The following DNAH2 variants were observed in gnomAD, a reference collection of about 807,000 sequenced individuals.
DNAH2 encodes axonemal beta dynein heavy chain 2.
A neutral mutation model predicts 523.5 loss-of-function variants in DNAH2; 323 were observed. That is an observed-to-expected ratio of 0.62 (90% CI 0.56 to 0.68). The LOEUF is 0.68. Ranked by LOEUF, DNAH2 falls within the 30% of genes least tolerant of loss-of-function variation. DNAH2 has a pLI of 0.00. For missense variants in DNAH2, 4,907 were observed against 5,701.5 expected, an observed-to-expected ratio of 0.86 and a Z score of 4.49; for synonymous variants, 2,093 against 2,177.4, an observed-to-expected ratio of 0.96 and a Z score of 1.08.
intron 44 of DNAH2, among the ~76,000 whole-genome samples, chr17:7,788,962 C>T (rs1042488960): frequency 1.3e-5 from 2 of 152,068 alleles, no homozygotes; most frequent in African/African-American, 2.4e-5. Context: ...GTCAGGAGTT[C>T]GAGACCAGCC....
intron 3 of DNAH2, 148 bp from the exon 4 acceptor site, chr17:7,726,974 G>T: frequency 1.3e-6 from 1 of 756,672 alleles, no homozygotes; most frequent in Non-Finnish European, 1.9e-6. Context: ...TTCTTCCAAA[G>T]CTGGAAAGCT....
chr17:7,764,465 C>CT (rs36076472), intron 20 of DNAH2, among the ~76,000 whole-genome samples, 192 bp downstream of exon 20: 8,555 of 143,792 alleles, frequency 0.059, 328 homozygotes, highest in Non-Finnish European at 0.084. Flanking sequence ...TCTTCTTCCT[C>CT]TTTTTTTTTT....
chr17:7,801,650 G>C lies in DNAH2; in HGVS notation c.8772G>C (p.Glu2924Asp), dbSNP rs767657260. ...TINWFSEWPQ[E>D]ALLEVAEKCL... is the part of the protein sequence containing the mutation. The stretch of plus-strand genomic sequence containing the variant: ...ACTGGTTCTCAGAGTGGCCCCAAGA[G>C]GCCCTGCTCGAGGTGGCTGAGAAGT... The change falls in exon 57 of 86, where the codon GAG becomes GAC. Residue 2924 changes from glutamate (E) to aspartate (D), a missense_variant. This residue lies in a region of DNAH2 where 1,851 missense variants were observed against 2,139.4 expected (regional missense o/e 0.87). Coordinates refer to ENST00000572933, the MANE Select transcript of DNAH2 (RefSeq NM_020877.5). 5.1e-5 allele frequency: 83 copies of C among 1,614,068 alleles called. No homozygotes were observed. Among genetic ancestry groups the C allele is most frequent in the Non-Finnish European group, 6.9e-5 (81 of 1,180,046 alleles).
chr17:7,831,831 G>A lies in DNAH2; in HGVS notation c.12726+56G>A. On this transcript the variant is annotated intron_variant, in intron 82 of 85. Coordinates refer to ENST00000572933, the MANE Select transcript of DNAH2 (RefSeq NM_020877.5). The surrounding 1 kb of genome is among the most constrained non-coding windows in gnomAD (Gnocchi z 4.2). ...AACAATGAGCTCCCCTCTCAATCCT[G>A]GGCCCCCCAATCTCCTGGTTCTAGG... is the stretch of plus-strand genomic sequence containing the variant. 2.6e-6 allele frequency: 4 copies of A among 1,512,192 alleles called. No homozygotes were observed. Among genetic ancestry groups the A allele is most frequent in the Non-Finnish European group, 3.6e-6 (4 of 1,102,536 alleles). 93.7% of individuals were successfully genotyped at this position (1,512,192 alleles called of 1,614,324 possible).
Position 7,824,186 on chromosome 17 carries a change from C to G in DNAH2, c.11544C>G (p.Thr3848=). ...VFILSPGVDP[T]SALLQLAEHM... ...TCCTGTCCCCTGGTGTGGACCCCAC[C>G]AGTGCCCTGCTGCAGCTGGCAGAGC... Residue 3848 remains threonine (T), a synonymous_variant, in exon 76 of 86, where the codon ACC becomes ACG. Transcript: ENST00000572933. The G allele has an allele frequency of 6.2e-7, 1 of 1,604,906 alleles. No individual in the cohort carries two copies. The highest frequency in any genetic ancestry group is 8.5e-7 in the Non-Finnish European group (1 of 1,177,540).
chr17:7,779,263 T>G lies in DNAH2; in HGVS notation c.5562T>G (p.Phe1854Leu). 1 of 1,614,138 alleles carries G rather than the reference T, an allele frequency of 6.2e-7. No homozygotes were observed. The highest frequency in any genetic ancestry group is 8.5e-7 in the Non-Finnish European group (1 of 1,180,048). The part of the protein sequence containing the change: ...GLAQTGAWGC[F>L]DEFNRINIEV... ...CGCAGACTGGAGCTTGGGGCTGCTT[T>G]GATGAGTTTAACCGCATCAACATCG... The change falls in exon 36 of 86, where the codon TTT becomes TTG. Residue 1854 changes from phenylalanine (F) to leucine (L), a missense_variant. Coordinates refer to ENST00000572933, the MANE Select transcript of DNAH2 (RefSeq NM_020877.5).
In DNAH2 at chr17:7,833,324, TG is replaced by T; in HGVS notation, c.13130-54del. 2.5e-6 allele frequency: 4 copies of T among 1,609,352 alleles called. No homozygotes were observed. In the South Asian group the frequency reaches 4.4e-5, roughly 18 times the overall value. ...CCCACACCCGCTCCTGCCCTGCTCC[TG>T]CCCTGCTCTCCCGGAGGCTCCAGGG... On this transcript the variant is annotated intron_variant, in intron 85 of 85. Coordinates refer to ENST00000572933, the MANE Select transcript of DNAH2 (RefSeq NM_020877.5).
intron 24 of DNAH2, among the ~76,000 whole-genome samples, chr17:7,768,657 T>C (rs559209672): frequency 7.2e-5 from 11 of 152,310 alleles, no homozygotes; most frequent in African/African-American, 2.2e-4. Flanking sequence ...CTTGTCTAAC[T>C]GAAATTTTGT....
Position 7,798,243 on chromosome 17 carries a change from C to T in DNAH2, c.8317C>T (p.Arg2773Cys), listed in dbSNP as rs140087165. 126 of 1,613,914 alleles carry T rather than the reference C, an allele frequency of 7.8e-5. No homozygotes were observed. Among genetic ancestry groups the T allele is most frequent in the African/African-American group, 1.3e-4 (10 of 75,024 alleles). ...GGGCAGCGGACGCCAGAGTCTGGCC[C>T]GCCTGGCTTCATCCATCTGCGACTA... The part of the protein sequence containing the change: ...IGGSGRQSLA[R>C]LASSICDYTT... Residue 2773 changes from arginine to cysteine, a missense_variant, in exon 54 of 86, where the codon CGC becomes TGC. Arg to Cys is a radical substitution (Grantham distance 180). Coordinates refer to ENST00000572933, the MANE Select transcript of DNAH2 (RefSeq NM_020877.5). The surrounding 1 kb of genome is among the most constrained non-coding windows in gnomAD (Gnocchi z 5.5).
intron 21 of DNAH2, 144 bp downstream of exon 21, chr17:7,765,709 A>T (rs1475927469): frequency 1.9e-5 from 16 of 852,402 alleles, no homozygotes; most frequent in Non-Finnish European, 2.9e-5. Context: ...CTCAGGAGCA[A>T]AGGAGGAGGA....
rs1363729671 is a variant in DNAH2, at chr17:7,810,045, CTTT to C, written c.9729+2460_9729+2462del. ...CCTTCCTTCCTTCCTTCCTTTTCTT[CTTT>C]CTTTTCTTTCTTTTTTTTCTTTTTT... On this transcript the variant is annotated intron_variant, in intron 63 of 85. Transcript: ENST00000572933. 3.7e-4 allele frequency among the ~76,000 whole-genome samples: 55 copies of C among 147,858 alleles called. 1 individual carries two copies. The highest frequency in any genetic ancestry group is 1.2e-3 in the African/African-American group (50 of 40,502).
intron 58 of DNAH2, among the ~76,000 whole-genome samples, chr17:7,802,640 T>C (rs1366980831): frequency 6.6e-6 from 1 of 152,170 alleles, no homozygotes; most frequent in Non-Finnish European, 1.5e-5. Flanking sequence ...AGTCTGTACA[T>C]GTTCAGTGCA....
intron 61 of DNAH2, among the ~76,000 whole-genome samples, chr17:7,806,658 C>CAAAAA (rs66460228): frequency 6.6e-5 from 4 of 60,552 alleles, no homozygotes; most frequent in Admixed American, 2.0e-4. Context: ...CACTCCATCT[C>CAAAAA]AAAAAAAAAA....
chr17:7,802,270 C>T (rs978032929), intron 58 of DNAH2, among the ~76,000 whole-genome samples: 14 of 152,206 alleles, frequency 9.2e-5, no homozygotes, highest in African/African-American at 2.2e-4. Context: ...CTTTTTCTGA[C>T]CATAATATAA....
intron 50 of DNAH2, 28 bp downstream of exon 50, chr17:7,796,680 C>T (rs1262168634): frequency 1.3e-6 from 2 of 1,596,784 alleles, no homozygotes; most frequent in East Asian, 4.5e-5. Flanking sequence ...CTTGCCCCTT[C>T]TGCTTGGCCC....
rs759335633 is a variant in DNAH2 at position 7,818,641 on chromosome 17, A to T, written c.10537-2A>T. Reference sequence around the variant, plus strand: ...CCTCACTGTGAGTCCTGATGCCCCCAGGGCCTGGAGGCCCAGCTGCTGGGC... The same window carrying T: ...CCTCACTGTGAGTCCTGATGCCCCCTGGGCCTGGAGGCCCAGCTGCTGGGC... On this transcript the variant is annotated splice_acceptor_variant, in intron 69 of 85. Coordinates refer to ENST00000572933, the MANE Select transcript of DNAH2 (RefSeq NM_020877.5). LOFTEE classifies it high-confidence loss of function. The T allele has an allele frequency of 3.1e-6, 5 of 1,613,740 alleles. No homozygotes were observed. Among genetic ancestry groups the T allele is most frequent in the Non-Finnish European group, 4.2e-6 (5 of 1,179,996 alleles).
In DNAH2 at chr17:7,770,420, C is replaced by T; in HGVS notation, c.4098+12C>T. ...TGGCTATAGAAGTGGTACGACAGTCCCCTCCCATGCTCCCACACCTCCTGC... is the reference window on the plus strand; with the variant it reads ...TGGCTATAGAAGTGGTACGACAGTCTCCTCCCATGCTCCCACACCTCCTGC... On this transcript the variant is annotated intron_variant, in intron 25 of 85. Coordinates refer to ENST00000572933, the MANE Select transcript of DNAH2 (RefSeq NM_020877.5). 4.3e-6 allele frequency: 7 copies of T among 1,611,012 alleles called. No individual in the cohort carries two copies. The highest frequency in any genetic ancestry group is 4.2e-6 in the Non-Finnish European group (5 of 1,178,474).
intron 44 of DNAH2, among the ~76,000 whole-genome samples, chr17:7,788,470 G>T (rs1321987772): frequency 6.6e-6 from 1 of 152,160 alleles, no homozygotes; most frequent in Non-Finnish European, 1.5e-5. Context: ...TAGGGGTTCT[G>T]AATTGAATAT....
Position 7,774,828 on chromosome 17 carries a change from T to C in DNAH2, c.4571T>C (p.Leu1524Ser). 6.2e-7 allele frequency: 1 copy of C among 1,614,196 alleles called. No individual in the cohort carries two copies. Among genetic ancestry groups the C allele is most frequent in the Non-Finnish European group, 8.5e-7 (1 of 1,180,042 alleles). ...EDIQKSLDMY[L>S]ETKRHIFPRF... is the part of the protein sequence containing the mutation. Reference sequence around the variant, plus strand: ...ATTCAGAAATCTCTGGATATGTATTTAGAGACCAAGCGACATATTTTCCCC... The same window carrying C: ...ATTCAGAAATCTCTGGATATGTATTCAGAGACCAAGCGACATATTTTCCCC... Residue 1524 changes from leucine to serine, a missense_variant, in exon 29 of 86, where the codon TTA becomes TCA. Around this residue, in one of 3 missense-constraint regions of DNAH2, gnomAD observed 2,806 missense variants for 3,190.8 expected, o/e 0.88. Transcript: ENST00000572933.
Sources: allele counts gnomAD v4.1 joint callset (sites outside exome capture counted in the v4.1 genomes callset), GRCh38; gene constraint gnomAD v4.1.1; regional missense constraint gnomAD v4.1.1; non-coding constraint Gnocchi (gnomAD v3.1); transcripts MANE v1.5; gene names NCBI Gene and HGNC (gene_info 2026-07-23, HGNC 2026-07-21).